ADARB2: variants seen among roughly 807,000 people sequenced by gnomAD.
ADARB2 encodes the protein inactive double-stranded RNA-specific editase B2.
In ADARB2, 25 loss-of-function variants were observed where a neutral mutation model predicts 62.2. That is an observed-to-expected ratio of 0.40 (90% confidence interval 0.29 to 0.56). The LOEUF is 0.56. Among genes scored for constraint, ADARB2 ranks in the 20% least tolerant of loss-of-function variants. The pLI, the probability that ADARB2 is intolerant of heterozygous loss-of-function variation, is 0.43. For synonymous variants in ADARB2, 572 were observed against 500.8 expected (o/e 1.14, Z -1.90); for missense variants, 1,071 against 1,077.4 (o/e 0.99, Z 0.08).
intron 3 of ADARB2, among the ~76,000 whole-genome samples, chr10:1,332,492 T>C (rs1197688818): frequency 2.0e-5 from 3 of 151,398 alleles, no homozygotes; most frequent in Middle Eastern, 3.2e-3. Flanking sequence ...TTTTTTTTTT[T>C]TTTGCCATCG....
At chr10:1,350,968 T>G (rs112154244) in intron 3 of ADARB2, among the ~76,000 whole-genome samples, 2,196 of 152,280 alleles carry the variant, frequency 0.014, 53 homozygotes, top group African/African-American at 0.05. Context: ...CTGGAACGCC[T>G]GAACCGCAGC....
At chr10:1,319,679 T>C (rs943643278) in intron 3 of ADARB2, among the ~76,000 whole-genome samples, 1 of 151,916 alleles carries the variant, frequency 6.6e-6, no homozygotes, top group Non-Finnish European at 1.5e-5. Context: ...TTGGGGACTA[T>C]GCAATGCATG....
At chr10:1,574,534 T>G (rs1832984639) in intron 1 of ADARB2, among the ~76,000 whole-genome samples, 1 of 151,888 alleles carries the variant, frequency 6.6e-6, no homozygotes, top group Non-Finnish European at 1.5e-5. Context: ...TTCCCAGCGT[T>G]TTGGAGGCTG....
In ADARB2 at chr10:1,662,333, C is replaced by G. The variant is rs1436801135; in HGVS notation, c.100+74718G>C. ...AGCGGAGAGGAGATGGGCCTCCATC[C>G]TCGGCCTCAGGAACTGAATTCAGCC... On this transcript the variant is annotated intron_variant, in intron 1 of 9. Coordinates refer to ENST00000381312, the MANE Select transcript of ADARB2 (RefSeq NM_018702.4). Among the ~76,000 whole-genome samples, 3 of 152,300 alleles carry G rather than the reference C, an allele frequency of 2.0e-5. No homozygotes were observed. In the East Asian group the frequency reaches 5.8e-4, roughly 30 times the overall value.
intron 1 of ADARB2, among the ~76,000 whole-genome samples, chr10:1,384,108 G>A (rs4880842): frequency 0.43 from 65,612 of 152,012 alleles, 14,684 homozygotes; most frequent in Middle Eastern, 0.51. Context: ...AAATCAGATG[G>A]ACTCTCCTCT....
At chr10:1,369,550 G>A (rs1832347290) in intron 2 of ADARB2, among the ~76,000 whole-genome samples, 2 of 152,224 alleles carry the variant, frequency 1.3e-5, no homozygotes, top group Admixed American at 6.5e-5. Flanking sequence ...CCACACAAAA[G>A]GCAGTGGAAG....
At chr10:1,573,189 G>C (rs1564334675) in intron 1 of ADARB2, among the ~76,000 whole-genome samples, 2 of 152,328 alleles carry the variant, frequency 1.3e-5, no homozygotes, top group East Asian at 3.9e-4. Context: ...TCTGGGGTGG[G>C]CCTGTCCCTG....
chr10:1,568,792 G>GTCTCTA (rs888727519), intron 1 of ADARB2, among the ~76,000 whole-genome samples: 2 of 128,682 alleles, frequency 1.6e-5, no homozygotes, highest in Admixed American at 1.7e-4. Context: ...ATATCTATAT[G>GTCTCTA]TCTCTATCTC....
chr10:1,438,527 G>A lies in ADARB2; in HGVS notation c.101-59367C>T, dbSNP rs1257274928. Among the ~76,000 whole-genome samples the A allele has an allele frequency of 2.1e-5, 3 of 139,660 alleles. No individual in the cohort carries two copies. The Admixed American group carries it at 2.2e-4, about 10-fold the overall frequency. The allele number at this position is 139,660 out of a possible 152,430, so 91.6% of individuals were successfully genotyped here. On this transcript the variant is annotated intron_variant, in intron 1 of 9. Coordinates refer to ENST00000381312, the MANE Select transcript of ADARB2 (RefSeq NM_018702.4). The stretch of plus-strand genomic sequence containing the variant: ...AGGACAGAGGCAGGTCCTTCATGAT[G>A]GGGCTCCTGAGTCTCCTCAGCAGAT...
intron 1 of ADARB2, among the ~76,000 whole-genome samples, chr10:1,564,021 A>T (rs1485857561): frequency 6.6e-6 from 1 of 150,756 alleles, no homozygotes; most frequent in East Asian, 1.9e-4. Context: ...TTCTTAATCC[A>T]GTCTATCATT....
At chr10:1,361,351 C>T (rs1832253125) in intron 3 of ADARB2, 2 of 152,186 alleles carry the variant, frequency 1.3e-5, no homozygotes, top group Non-Finnish European at 2.9e-5. Flanking sequence ...CCCCAGCGCC[C>T]TTGTGAGGAA....
chr10:1,474,244 C>T (rs117517492), intron 1 of ADARB2, among the ~76,000 whole-genome samples: 433 of 152,366 alleles, frequency 2.8e-3, no homozygotes, highest in Non-Finnish European at 4.8e-3. Flanking sequence ...CTCCCAGCAT[C>T]CTTGTGTAAA....
chr10:1,343,828 C>T lies in ADARB2; in HGVS notation c.1077+19200G>A, dbSNP rs529204620. Among the ~76,000 whole-genome samples, 4 of 152,246 alleles carry T rather than the reference C, an allele frequency of 2.6e-5. No individual in the cohort carries two copies. The East Asian group carries it at 7.7e-4, about 29-fold the overall frequency. On this transcript the variant is annotated intron_variant, in intron 3 of 9. Coordinates refer to ENST00000381312, the MANE Select transcript of ADARB2 (RefSeq NM_018702.4). ...TATGTGGGAGCGAAACACTGGGCAC[C>T]TATGGCCACAAATGGGGGAGCAACA...
chr10:1,673,616 A>G (rs1834422191), intron 1 of ADARB2, among the ~76,000 whole-genome samples: 1 of 152,226 alleles, frequency 6.6e-6, no homozygotes, highest in South Asian at 2.1e-4. Flanking sequence ...ACATGGCAGG[A>G]TGAGAGTGTG....
intron 5 of ADARB2, among the ~76,000 whole-genome samples, chr10:1,236,254 C>A (rs1359966870): frequency 1.4e-4 from 2 of 14,426 alleles, no homozygotes; most frequent in Non-Finnish European, 2.5e-4. Context: ...TGTTTACTCC[C>A]CTCTCCCTCC....
chr10:1,560,223 G>A (rs772441367), intron 1 of ADARB2, among the ~76,000 whole-genome samples: 1 of 152,218 alleles, frequency 6.6e-6, no homozygotes, highest in Non-Finnish European at 1.5e-5. Context: ...CTGAAATGCA[G>A]CCTTGAAAAG....
chr10:1,611,349 A>G (rs1417341798), intron 1 of ADARB2, among the ~76,000 whole-genome samples: 1 of 152,248 alleles, frequency 6.6e-6, no homozygotes, highest in Non-Finnish European at 1.5e-5. Flanking sequence ...TACTCTCAGA[A>G]CAAATAATTT....
intron 1 of ADARB2, chr10:1,678,042 GAACA>G (rs1249119712): frequency 2.2e-6 from 1 of 447,022 alleles, no homozygotes; most frequent in Non-Finnish European, 3.0e-6. Flanking sequence ...GACACCAAGG[GAACA>G]AACTGGATAA....
chr10:1,325,314 C>G (rs185745305), intron 3 of ADARB2, among the ~76,000 whole-genome samples: 85 of 152,298 alleles, frequency 5.6e-4, no homozygotes, highest in Non-Finnish European at 1.0e-3. Flanking sequence ...TGAGGACTTC[C>G]GACTGCACGC....
Sources: allele counts gnomAD v4.1 joint callset (sites outside exome capture counted in the v4.1 genomes callset), GRCh38; gene constraint gnomAD v4.1.1; transcripts MANE v1.5; gene names NCBI Gene and HGNC (gene_info 2026-07-23, HGNC 2026-07-21).